The following CDKAL1 variants were observed in gnomAD, a reference collection of about 807,000 sequenced individuals.
The protein encoded by CDKAL1 is threonylcarbamoyladenosine tRNA methylthiotransferase.
In CDKAL1, 32 loss-of-function variants were observed where a neutral mutation model predicts 68.2. The ratio of observed to expected loss-of-function variants is 0.47; its 90% CI spans 0.35 to 0.63. The LOEUF (loss-of-function observed/expected upper bound fraction) is 0.63. Among genes scored for constraint, CDKAL1 ranks in the 30% least tolerant of loss-of-function variants. The pLI is 0.00. For synonymous variants in CDKAL1, 234 were observed against 244.3 expected, an observed-to-expected ratio of 0.96 and a Z score of 0.39; for missense variants, 606 against 696.7, an observed-to-expected ratio of 0.87 and a Z score of 1.47.
Position 20,602,162 on chromosome 6 carries a change from A to G in CDKAL1, c.287-47131A>G, listed in dbSNP as rs1283278182. On this transcript the variant is annotated intron_variant, in intron 4 of 15. Transcript: ENST00000274695. ...TTTGTAGATGCAAAAACCAAGTCTT[A>G]AATAGGTGAAGTAATTTGCTAAAGA... Among the ~76,000 whole-genome samples, 5 of 152,298 alleles carry G rather than the reference A, an allele frequency of 3.3e-5. No individual in the cohort carries two copies. In the South Asian group the frequency reaches 1.0e-3, roughly 32 times the overall value.
At chr6:20,634,977 C>CAAAAA (rs142659533) in intron 4 of CDKAL1, among the ~76,000 whole-genome samples, 1 of 99,856 alleles carries the variant, frequency 1.0e-5, no homozygotes, top group African/African-American at 3.9e-5. Context: ...AACCCCGTCT[C>CAAAAA]AAAAAAAAAA....
intron 13 of CDKAL1, among the ~76,000 whole-genome samples, chr6:21,148,352 C>G (rs938586107): frequency 6.6e-6 from 1 of 152,134 alleles, no homozygotes; most frequent in African/African-American, 2.4e-5. Context: ...TATAAATACT[C>G]TTAATTAATC....
At chr6:21,048,324 G>T (rs1770357766) in intron 11 of CDKAL1, among the ~76,000 whole-genome samples, 2 of 152,118 alleles carry the variant, frequency 1.3e-5, no homozygotes, top group South Asian at 4.1e-4. Flanking sequence ...CCTGATCGGG[G>T]TAAACTGAAT....
intron 13 of CDKAL1, among the ~76,000 whole-genome samples, chr6:21,139,631 C>A (rs192431997): frequency 6.6e-6 from 1 of 152,202 alleles, no homozygotes; most frequent in East Asian, 1.9e-4. Context: ...CCACCTCAAC[C>A]TCCCGAGTAG....
intron 5 of CDKAL1, among the ~76,000 whole-genome samples, chr6:20,666,557 G>A (rs1022765395): frequency 2.8e-4 from 42 of 152,086 alleles, no homozygotes; most frequent in Non-Finnish European, 5.1e-4. Context: ...ATCTTATGCC[G>A]TCTTAGGTAT....
At chr6:20,560,490 A>G (rs1317761484) in intron 4 of CDKAL1, among the ~76,000 whole-genome samples, 1 of 152,210 alleles carries the variant, frequency 6.6e-6, no homozygotes, top group Non-Finnish European at 1.5e-5. Flanking sequence ...ATAGGAGCAT[A>G]TGAAGGTGGG....
intron 4 of CDKAL1, among the ~76,000 whole-genome samples, chr6:20,612,433 A>C (rs558777707): frequency 2.2e-4 from 33 of 151,536 alleles, no homozygotes; most frequent in Non-Finnish European, 3.5e-4. Context: ...TTGTCTTTTT[A>C]ATAGTAGCCA....
intron 15 of CDKAL1, among the ~76,000 whole-genome samples, chr6:21,204,146 C>A (rs1778804888): frequency 6.6e-6 from 1 of 152,148 alleles, no homozygotes; most frequent in Non-Finnish European, 1.5e-5. Context: ...GAAAAATTAT[C>A]TGAAAGCCAT....
chr6:21,153,018 A>G (rs1776486902), intron 13 of CDKAL1, among the ~76,000 whole-genome samples: 1 of 152,144 alleles, frequency 6.6e-6, no homozygotes, highest in Non-Finnish European at 1.5e-5. Flanking sequence ...TCACCCTACT[A>G]TATAAAGCCA....
intron 9 of CDKAL1, among the ~76,000 whole-genome samples, chr6:20,871,700 A>G (rs1202112384): frequency 6.6e-6 from 1 of 152,090 alleles, no homozygotes; most frequent in East Asian, 1.9e-4. Flanking sequence ...CTTCAAGGTT[A>G]CCTCTCTCAG....
At chr6:21,120,833 A>G (rs1463006445) in intron 13 of CDKAL1, among the ~76,000 whole-genome samples, 1 of 152,156 alleles carries the variant, frequency 6.6e-6, no homozygotes, top group Non-Finnish European at 1.5e-5. Flanking sequence ...TATTCACCAT[A>G]TTTATTTAAC....
intron 11 of CDKAL1, among the ~76,000 whole-genome samples, chr6:21,018,625 T>G (rs1258737207): frequency 6.6e-6 from 1 of 152,236 alleles, no homozygotes; most frequent in Non-Finnish European, 1.5e-5. Flanking sequence ...TTGCCTACCC[T>G]GTTGCAAATA....
chr6:21,026,098 T>G (rs1768940100), intron 11 of CDKAL1, among the ~76,000 whole-genome samples: 2 of 152,162 alleles, frequency 1.3e-5, no homozygotes. Context: ...TTTCTAACTA[T>G]CATGCAAGGA....
chr6:20,996,090 A>C (rs1299222184), intron 10 of CDKAL1, among the ~76,000 whole-genome samples: 1 of 152,256 alleles, frequency 6.6e-6, no homozygotes, highest in African/African-American at 2.4e-5. Context: ...CGTCTTCTGC[A>C]GTCTCCTCAC....
At position 20,562,741 on chromosome 6, in the gene CDKAL1, T is replaced by TAA. The variant is rs79790891; in HGVS notation, c.286+14050_286+14051dup. On this transcript the variant is annotated intron_variant, in intron 4 of 15. Coordinates refer to ENST00000274695, the MANE Select transcript of CDKAL1 (RefSeq NM_017774.3). ...TGGGCAATAGAGTGAGACTCCATCT[T>TAA]AAAAAAAAAAAAAAATTCATTGTTA... Among the ~76,000 whole-genome samples, 973 of 142,638 alleles carry TAA rather than the reference T, an allele frequency of 6.8e-3. 10 individuals carry two copies. Among genetic ancestry groups the TAA allele is most frequent in the African/African-American group, 0.023 (905 of 39,038 alleles). The allele number at this position is 142,638 out of a possible 152,430, so 93.6% of individuals were successfully genotyped here. A position where few individuals can be genotyped will look rare whatever the true frequency, so the allele number is the denominator to read the frequency against.
In CDKAL1 at chr6:20,562,273, A is replaced by G. The variant is rs74485412; in HGVS notation, c.286+13568A>G. Among the ~76,000 whole-genome samples the G allele has an allele frequency of 3.3e-4, 51 of 152,268 alleles. No homozygotes were observed. The East Asian group carries it at 9.7e-3, about 29-fold the overall frequency. On this transcript the variant is annotated intron_variant, in intron 4 of 15. Coordinates refer to ENST00000274695, the MANE Select transcript of CDKAL1 (RefSeq NM_017774.3). ...GTTTTTTTTCTTTTCTACCCATGGA[A>G]TAATGAAGAGAGAAATAATAAGGGC...
At chr6:20,895,769 A>T (rs1231266526) in intron 9 of CDKAL1, among the ~76,000 whole-genome samples, 1 of 152,026 alleles carries the variant, frequency 6.6e-6, no homozygotes, top group East Asian at 1.9e-4. Flanking sequence ...TCCCAAAACA[A>T]CCCTTCTGCA....
At chr6:20,949,656 C>G (rs1478864510) in intron 9 of CDKAL1, among the ~76,000 whole-genome samples, 2 of 151,930 alleles carry the variant, frequency 1.3e-5, no homozygotes, top group Non-Finnish European at 2.9e-5. Context: ...GCAGATCTGC[C>G]TGGGAAATGC....
At chr6:20,544,457 A>G (rs1475302230) in intron 2 of CDKAL1, among the ~76,000 whole-genome samples, 1 of 151,576 alleles carries the variant, frequency 6.6e-6, no homozygotes, top group African/African-American at 2.4e-5. Context: ...TTAGCCGGGC[A>G]TGGTGGCGCG....
Sources: allele counts gnomAD v4.1 joint callset (sites outside exome capture counted in the v4.1 genomes callset), GRCh38; gene constraint gnomAD v4.1.1; transcripts MANE v1.5; gene names NCBI Gene and HGNC (gene_info 2026-07-23, HGNC 2026-07-21).